Variants in MSRB3 observed in about 807,000 individuals in gnomAD.
MSRB3 encodes the protein methionine sulfoxide reductase B3, also known as methionine-R-sulfoxide reductase B3.
MSRB3 carries 13 observed loss-of-function variants against 21.0 expected under a neutral mutation model. The observed-to-expected ratio is 0.62, with a 90% CI of 0.40 to 0.98. The LOEUF is 0.98. Ranked by LOEUF, MSRB3 falls within the 50% of genes least tolerant of loss-of-function variation. MSRB3 has a pLI of 0.00. For missense variants in MSRB3, 199 were observed against 230.3 expected (o/e 0.86, Z 0.88); for synonymous variants, 87 against 88.6 (o/e 0.98, Z 0.10).
chr12:65,353,853 G>A (rs1281309198), intron 4 of MSRB3, among the ~76,000 whole-genome samples: 2 of 151,636 alleles, frequency 1.3e-5, no homozygotes, highest in Non-Finnish European at 3.0e-5. Context: ...TGTTTTTGCA[G>A]CGGCTGGTAC....
chr12:65,456,085 T>C (rs1883078092), intron 6 of MSRB3, among the ~76,000 whole-genome samples: 2 of 152,212 alleles, frequency 1.3e-5, no homozygotes, highest in South Asian at 4.1e-4. Context: ...ATTTTATAAC[T>C]GTCACAAAAA....
intron 5 of MSRB3, among the ~76,000 whole-genome samples, chr12:65,406,509 A>G (rs1472235586): frequency 1.3e-5 from 2 of 152,236 alleles, no homozygotes; most frequent in Non-Finnish European, 2.9e-5. Context: ...AAATGTCTGT[A>G]TACCCAAAAC....
intron 5 of MSRB3, among the ~76,000 whole-genome samples, chr12:65,425,719 T>A (rs988495017): frequency 6.6e-6 from 1 of 152,162 alleles, no homozygotes; most frequent in East Asian, 1.9e-4. Flanking sequence ...AGCAAATTAT[T>A]GTAGCTATTA....
chr12:65,462,381 C>CA (rs1300044158), intron 6 of MSRB3, among the ~76,000 whole-genome samples: 1 of 152,204 alleles, frequency 6.6e-6, no homozygotes, highest in Non-Finnish European at 1.5e-5. Context: ...TTATTTCTCT[C>CA]AAACACCAAC....
At chr12:65,452,174 G>A (rs1161537657) in intron 5 of MSRB3, among the ~76,000 whole-genome samples, 1 of 152,134 alleles carries the variant, frequency 6.6e-6, no homozygotes, top group African/African-American at 2.4e-5. Context: ...TCCTAAACCT[G>A]TTTACTACTA....
At chr12:65,432,155 C>T (rs1305325829) in intron 5 of MSRB3, among the ~76,000 whole-genome samples, 1 of 151,468 alleles carries the variant, frequency 6.6e-6, no homozygotes, top group Non-Finnish European at 1.5e-5. Context: ...AAGGAATACA[C>T]CAAGTTAATG....
At chr12:65,459,791 A>C (rs549425674) in intron 6 of MSRB3, among the ~76,000 whole-genome samples, 1 of 152,360 alleles carries the variant, frequency 6.6e-6, no homozygotes, top group Non-Finnish European at 1.5e-5. Flanking sequence ...ACTGTGTTGA[A>C]TACACTATTT....
chr12:65,442,561 A>C (rs982895222), intron 5 of MSRB3, among the ~76,000 whole-genome samples: 3 of 152,106 alleles, frequency 2.0e-5, no homozygotes, highest in African/African-American at 7.2e-5. Context: ...ATCTTTGCTC[A>C]GCAAGCAACC....
intron 2 of MSRB3, among the ~76,000 whole-genome samples, chr12:65,322,704 A>G (rs906262018): frequency 6.6e-6 from 1 of 151,426 alleles, no homozygotes; most frequent in African/African-American, 2.4e-5. Context: ...AAATATAACA[A>G]CTATGAGTTT....
chr12:65,313,693 G>A (rs1874125195), intron 2 of MSRB3, among the ~76,000 whole-genome samples: 1 of 151,974 alleles, frequency 6.6e-6, no homozygotes, highest in African/African-American at 2.4e-5. Flanking sequence ...TCTCTCCCTT[G>A]TGTTCAGATT....
intron 5 of MSRB3, among the ~76,000 whole-genome samples, chr12:65,406,415 T>G (rs892434434): frequency 6.6e-6 from 1 of 152,200 alleles, no homozygotes; most frequent in East Asian, 1.9e-4. Flanking sequence ...CACTGAAAAC[T>G]ATAAAACGTT....
At chr12:65,450,754 G>C (rs78019025) in intron 5 of MSRB3, among the ~76,000 whole-genome samples, 1,836 of 152,234 alleles carry the variant, frequency 0.012, 43 homozygotes, top group African/African-American at 0.042. Flanking sequence ...GATTGCTTTA[G>C]TCTCTGCCTA....
At chr12:65,436,551 T>G (rs1366301042) in intron 5 of MSRB3, among the ~76,000 whole-genome samples, 1 of 151,872 alleles carries the variant, frequency 6.6e-6, no homozygotes, top group Admixed American at 6.6e-5. Context: ...CAATAAAAAT[T>G]CAAGAAACCC....
chr12:65,289,509 T>G (rs1872562882), intron 1 of MSRB3, among the ~76,000 whole-genome samples: 1 of 152,096 alleles, frequency 6.6e-6, no homozygotes, highest in Admixed American at 6.6e-5. Context: ...AATAAATAAA[T>G]AAAAGTTATC....
intron 5 of MSRB3, among the ~76,000 whole-genome samples, chr12:65,431,097 C>A (rs184617941): frequency 5.9e-5 from 9 of 152,022 alleles, no homozygotes; most frequent in African/African-American, 1.7e-4. Flanking sequence ...TCATAAAATT[C>A]TTTTATTCCC....
chr12:65,291,339 G>GC (rs1242694987), intron 1 of MSRB3, among the ~76,000 whole-genome samples: 4 of 151,892 alleles, frequency 2.6e-5, no homozygotes, highest in Non-Finnish European at 5.9e-5. Context: ...GCCCACCTCG[G>GC]CCCCCCAAAG....
rs1340700967 is a variant in MSRB3 at position 65,422,410 on chromosome 12, ATATATATATATATATATATATT to A, written c.293-31314_293-31293del. Among the ~76,000 whole-genome samples, 78 of 38,850 alleles carry A rather than the reference ATATATATATATATATATATATT, an allele frequency of 2.0e-3. 2 individuals carry two copies. The highest frequency in any genetic ancestry group is 5.3e-3 in the East Asian group (6 of 1,134). 25.5% of individuals were successfully genotyped at this position (38,850 alleles called of 152,430 possible). A position where few individuals can be genotyped will look rare whatever the true frequency, so the allele number is the denominator to read the frequency against. On this transcript the variant is annotated intron_variant, in intron 5 of 6. Coordinates refer to ENST00000308259, the MANE Select transcript of MSRB3 (RefSeq NM_001031679.3). ...ATAGTATATATATATATATATATAT[ATATATATATATATATATATATT>A]TATTTATTTATTTATGGGGTATATG...
intron 5 of MSRB3, among the ~76,000 whole-genome samples, chr12:65,430,209 G>C (rs1881810316): frequency 6.6e-6 from 1 of 152,122 alleles, no homozygotes; most frequent in Admixed American, 6.5e-5. Flanking sequence ...ACTTCTGACA[G>C]TTAAAATACA....
chr12:65,382,644 C>T (rs1353209808), intron 5 of MSRB3, among the ~76,000 whole-genome samples: 2 of 151,400 alleles, frequency 1.3e-5, no homozygotes, highest in African/African-American at 2.4e-5. Context: ...TTAGCAGTAT[C>T]CCTTGAAATA....
Sources: gnomAD v4.1 joint callset for allele counts (sites outside exome capture counted in the v4.1 genomes callset) on GRCh38, gnomAD v4.1.1 for gene constraint, MANE v1.5 for transcripts, NCBI Gene and HGNC (gene_info 2026-07-23, HGNC 2026-07-21) for gene names.